Variants in OXSR1 observed in about 807,000 individuals in gnomAD.
The protein encoded by OXSR1 is oxidative stress responsive kinase 1, also known as serine/threonine-protein kinase OSR1.
OXSR1 carries 24 observed loss-of-function variants against 79.8 expected under a neutral mutation model. That is an observed-to-expected ratio of 0.30 (90% CI 0.22 to 0.42). The LOEUF is 0.42. Ranked by LOEUF, OXSR1 falls within the 10% of genes least tolerant of loss-of-function variation. The pLI is 1.00. For synonymous variants in OXSR1, 226 were observed against 209.2 expected (o/e 1.08, Z -0.69); for missense variants, 430 against 618.4 (o/e 0.70, Z 3.23).
At chr3:38,188,072 A>ATTAAATATT (rs1701916610) in intron 2 of OXSR1, among the ~76,000 whole-genome samples, 1 of 152,244 alleles carries the variant, frequency 6.6e-6, no homozygotes, top group Non-Finnish European at 1.5e-5. Flanking sequence ...AGAAGGCAAG[A>ATTAAATATT]AAAAGAATAT....
chr3:38,199,975 G>A (rs1262612505), intron 4 of OXSR1, among the ~76,000 whole-genome samples: 2 of 152,180 alleles, frequency 1.3e-5, no homozygotes, highest in Non-Finnish European at 2.9e-5. Context: ...GCTCCTGGGT[G>A]GGGAGTGGGG....
chr3:38,210,366 A>G (rs1702361079), intron 4 of OXSR1, among the ~76,000 whole-genome samples: 1 of 152,164 alleles, frequency 6.6e-6, no homozygotes, highest in Non-Finnish European at 1.5e-5. Flanking sequence ...CAAGGTGGTT[A>G]AGCTCTGATA....
At chr3:38,176,796 A>G (rs911631332) in intron 1 of OXSR1, among the ~76,000 whole-genome samples, 1 of 152,240 alleles carries the variant, frequency 6.6e-6, no homozygotes, top group Non-Finnish European at 1.5e-5. Flanking sequence ...GATTGATAAT[A>G]CATATGTTTG....
intron 1 of OXSR1, among the ~76,000 whole-genome samples, chr3:38,181,354 GTT>G (rs1201344941): frequency 1.3e-4 from 17 of 128,128 alleles, no homozygotes; most frequent in Middle Eastern, 4.1e-3. Flanking sequence ...TGTTTCAAAA[GTT>G]TTTTTTTTTT....
At position 38,179,524 on chromosome 3, in the gene OXSR1, T is replaced by G. The variant is rs200147838; in HGVS notation, c.71-3479T>G. On this transcript the variant is annotated intron_variant, in intron 1 of 17. Transcript: ENST00000311806. Reference sequence around the variant, plus strand: ...CCATAAAATTTATCCTTTTAAAGTGTACAATTCAGCATACTTACAGAGTTG... The same window carrying G: ...CCATAAAATTTATCCTTTTAAAGTGGACAATTCAGCATACTTACAGAGTTG... Among the ~76,000 whole-genome samples, 3 of 152,314 alleles carry G rather than the reference T, an allele frequency of 2.0e-5. No individual in the cohort carries two copies. In the East Asian group the frequency reaches 5.8e-4, roughly 29 times the overall value.
chr3:38,208,229 A>G (rs1052369117), intron 4 of OXSR1, among the ~76,000 whole-genome samples: 1 of 152,120 alleles, frequency 6.6e-6, no homozygotes, highest in Non-Finnish European at 1.5e-5. Flanking sequence ...CGATTTGTTA[A>G]CATGTTAACC....
chr3:38,247,142 A>C (rs1168908175), intron 13 of OXSR1, among the ~76,000 whole-genome samples: 1 of 152,048 alleles, frequency 6.6e-6, no homozygotes, highest in African/African-American at 2.4e-5. Flanking sequence ...ATTGATGGAA[A>C]AATTAGATTC....
chr3:38,238,721 G>T (rs1033001504), intron 11 of OXSR1, among the ~76,000 whole-genome samples: 6 of 151,360 alleles, frequency 4.0e-5, no homozygotes, highest in African/African-American at 1.5e-4. Flanking sequence ...TTTTTTCCCT[G>T]GCTGCTTTTA....
intron 8 of OXSR1, among the ~76,000 whole-genome samples, chr3:38,228,598 T>C (rs902951023): frequency 2.0e-5 from 3 of 152,204 alleles, no homozygotes; most frequent in South Asian, 4.1e-4. Context: ...TTTGAGACAG[T>C]CTTGCTTTGT....
chr3:38,229,343 G>T (rs1448315164), intron 8 of OXSR1, among the ~76,000 whole-genome samples: 3 of 151,512 alleles, frequency 2.0e-5, no homozygotes, highest in Admixed American at 6.6e-5. Flanking sequence ...ATATTTTCTA[G>T]CTTACTTATT....
intron 1 of OXSR1, among the ~76,000 whole-genome samples, chr3:38,179,775 T>C (rs565584679): frequency 7.2e-5 from 11 of 151,804 alleles, no homozygotes; most frequent in African/African-American, 2.4e-4. Context: ...CTGTGAATAC[T>C]GTATTTTCCA....
At chr3:38,243,003 GTTA>G (rs1316604798) in intron 12 of OXSR1, among the ~76,000 whole-genome samples, 6 of 146,166 alleles carry the variant, frequency 4.1e-5, no homozygotes, top group Middle Eastern at 3.2e-3. Flanking sequence ...GAAGTGAAAA[GTTA>G]TTTATTTATT....
At chr3:38,235,355 A>G (rs1042911925) in intron 10 of OXSR1, among the ~76,000 whole-genome samples, 2 of 152,190 alleles carry the variant, frequency 1.3e-5, no homozygotes, top group African/African-American at 2.4e-5. Context: ...TTTCCCAGAA[A>G]AGAGTTCAAA....
Position 38,223,792 on chromosome 3 carries a change from C to T in OXSR1, c.601-20C>T. On this transcript the variant is annotated intron_variant, in intron 6 of 17. Transcript: ENST00000311806. ...GTCCTTTTATGCTGGTAAAAATAAT[C>T]ATGCAAATCTGTTTTGCAGGTCCGT... 6.4e-7 allele frequency: 1 copy of T among 1,553,642 alleles called. No individual in the cohort carries two copies. The highest frequency in any genetic ancestry group is 2.3e-5 in the East Asian group (1 of 44,274).
chr3:38,186,315 C>T (rs977333253), intron 2 of OXSR1, among the ~76,000 whole-genome samples: 1 of 151,918 alleles, frequency 6.6e-6, no homozygotes, highest in African/African-American at 2.4e-5. Context: ...CTTTTTAAAA[C>T]ATAACAGCTT....
intron 8 of OXSR1, 119 bp downstream of exon 8, chr3:38,224,823 A>G: frequency 2.9e-6 from 2 of 694,400 alleles, no homozygotes; most frequent in Non-Finnish European, 4.6e-6. Context: ...AACTTTAAAA[A>G]AGTATACAGA....
At chr3:38,250,143 G>C (rs929041852) in intron 15 of OXSR1, 125 bp downstream of exon 15, 2 of 682,636 alleles carry the variant, frequency 2.9e-6, no homozygotes, top group African/African-American at 3.6e-5. Flanking sequence ...TCCTGGTTTT[G>C]GCGAGTATAT....
At chr3:38,213,399 A>G (rs953207306) in intron 4 of OXSR1, among the ~76,000 whole-genome samples, 6 of 152,186 alleles carry the variant, frequency 3.9e-5, no homozygotes, top group African/African-American at 1.4e-4. Context: ...AAAACTGTCA[A>G]GATTCTCAAA....
At chr3:38,251,564 C>A in intron 16 of OXSR1, 93 bp downstream of exon 16, 1 of 914,344 alleles carries the variant, frequency 1.1e-6, no homozygotes, top group Non-Finnish European at 1.8e-6. Flanking sequence ...CTGAGTAGGT[C>A]TGATGGTTCT....
Sources: allele counts gnomAD v4.1 joint callset (sites outside exome capture counted in the v4.1 genomes callset), GRCh38; gene constraint gnomAD v4.1.1; transcripts MANE v1.5; gene names NCBI Gene and HGNC (gene_info 2026-07-23, HGNC 2026-07-21).